MPP4: variants seen among roughly 807,000 people sequenced by gnomAD.
MPP4 encodes the protein MAGUK p55 scaffold protein 4.
In MPP4, 91 loss-of-function variants were observed where a neutral mutation model predicts 98.3. The ratio of observed to expected loss-of-function variants is 0.93; its 90% CI spans 0.78 to 1.10. MPP4 has a LOEUF of 1.10. MPP4 is among the 50% of genes least tolerant of loss of function. The pLI is 0.00. For synonymous variants in MPP4, 261 were observed against 271.8 expected (o/e 0.96, Z 0.39); for missense variants, 744 against 792.9 (o/e 0.94, Z 0.74).
Position 201,681,039 on chromosome 2 carries a change from T to C in MPP4, c.733-5A>G, listed in dbSNP as rs749529328. The C allele has an allele frequency of 6.2e-6, 10 of 1,606,490 alleles. No individual in the cohort carries two copies. In the Admixed American group the frequency reaches 1.2e-4, roughly 19 times the overall value. The stretch of plus-strand genomic sequence containing the variant: ...AGTCATGGCACGGACGTACACCTGA[T>C]GGCAGGTGCATAATGACGCTATCAG... On this transcript the variant is annotated splice_region_variant and splice_polypyrimidine_tract_variant and intron_variant, in intron 9 of 21. Transcript: ENST00000409474.
At chr2:201,654,699 A>C (rs1308121651) in intron 18 of MPP4, 138 bp downstream of exon 18, 2 of 490,134 alleles carry the variant, frequency 4.1e-6, no homozygotes, top group Admixed American at 8.5e-5. Context: ...TATTAAAATA[A>C]ATATGGTTAG....
At chr2:201,687,261 G>A (rs951795277) in intron 5 of MPP4, 30 bp downstream of exon 5, 9 of 1,533,162 alleles carry the variant, frequency 5.9e-6, no homozygotes, top group South Asian at 1.2e-5. Context: ...GCCAGATGGG[G>A]ACATCTTTTC....
rs1476420599 is a variant in MPP4 at position 201,660,462 on chromosome 2, CA to C, written c.1073-117del. The C allele has an allele frequency of 5.5e-6, 6 of 1,097,420 alleles. No homozygotes were observed. In the East Asian group the frequency reaches 1.2e-4, roughly 22 times the overall value. 68.0% of individuals were successfully genotyped at this position (1,097,420 alleles called of 1,614,324 possible). On this transcript the variant is annotated intron_variant, in intron 14 of 21. Coordinates refer to ENST00000409474, the MANE Select transcript of MPP4 (RefSeq NM_033066.3). The stretch of plus-strand genomic sequence containing the variant: ...AGCAAGACGTGCACGTCACCACTAG[CA>C]AAAGGTAACTCGGGTAAGGCCTGGC...
At chr2:201,682,977 AG>A in intron 7 of MPP4, 61 bp from the exon 8 acceptor site, 1 of 1,282,620 alleles carries the variant, frequency 7.8e-7, no homozygotes, top group Non-Finnish European at 1.1e-6. Flanking sequence ...AAATAGCAGT[AG>A]CTACCTCGAT....
At chr2:201,677,590 A>T (rs554959207) in intron 10 of MPP4, among the ~76,000 whole-genome samples, 1 of 152,290 alleles carries the variant, frequency 6.6e-6, no homozygotes, top group Non-Finnish European at 1.5e-5. Context: ...TAAAGAGTTT[A>T]AAAAATATTT....
At chr2:201,655,721 A>G (rs1687829318) in intron 17 of MPP4, among the ~76,000 whole-genome samples, 1 of 152,220 alleles carries the variant, frequency 6.6e-6, no homozygotes, top group African/African-American at 2.4e-5. Context: ...CATGATCTTT[A>G]TAAAGCACCA....
intron 16 of MPP4, among the ~76,000 whole-genome samples, chr2:201,656,765 G>A (rs577696171): frequency 6.6e-6 from 1 of 152,304 alleles, no homozygotes; most frequent in South Asian, 2.1e-4. Context: ...GAGTATCTCT[G>A]AAAGGTTGGC....
At chr2:201,655,766 A>G (rs992544825) in intron 17 of MPP4, among the ~76,000 whole-genome samples, 3 of 152,226 alleles carry the variant, frequency 2.0e-5, no homozygotes, top group Admixed American at 6.5e-5. Context: ...ATACTTTTCT[A>G]AAGGAAGTAG....
rs887301524 is a variant in MPP4, at chr2:201,671,804, A to T, written c.995-2054T>A. ...TAGACTCCCACACAATAATAGGGGA[A>T]GCCTTTAACAACCCACTGTCAATAT... On this transcript the variant is annotated intron_variant, in intron 11 of 21. Transcript: ENST00000409474. Among the ~76,000 whole-genome samples the T allele has an allele frequency of 3.9e-5, 6 of 152,198 alleles. No individual in the cohort carries two copies. The South Asian group carries it at 6.2e-4, about 16-fold the overall frequency.
At chr2:201,675,064 C>T (rs1266415590) in intron 11 of MPP4, 143 bp downstream of exon 11, 4 of 959,070 alleles carry the variant, frequency 4.2e-6, no homozygotes, top group Non-Finnish European at 6.5e-6. Context: ...TAATCTAGGG[C>T]CCTTCAAGGA....
Position 201,669,088 on chromosome 2 carries a change from TTGTG to T in MPP4, c.1012+641_1012+644del, listed in dbSNP as rs770178008. ...TTCTGGAAGCAGAAAGCATCTTGCT[TTGTG>T]TGTGTGTGTGTGTGTGTGTGTGTGT... On this transcript the variant is annotated intron_variant, in intron 12 of 21. Transcript: ENST00000409474. Among the ~76,000 whole-genome samples, 213 of 141,674 alleles carry T rather than the reference TTGTG, an allele frequency of 1.5e-3. 5 individuals are homozygous for T. In the Middle Eastern group the frequency reaches 0.028, roughly 19 times the overall value. The allele number at this position is 141,674 out of a possible 152,430, so 92.9% of individuals were successfully genotyped here.
chr2:201,682,937 AACAAAGAAAGAT>A, intron 7 of MPP4, 21 bp from the exon 8 acceptor site: 1 of 1,598,586 alleles, frequency 6.3e-7, no homozygotes, highest in Admixed American at 1.7e-5. Context: ...AGTAACAAAA[AACAAAGAAAGAT>A]ACAAAGAAGT....
chr2:201,681,480 C>G lies in MPP4; in HGVS notation c.732+16G>C. On this transcript the variant is annotated intron_variant, in intron 9 of 21. Transcript: ENST00000409474. The stretch of plus-strand genomic sequence containing the variant: ...GATTTACTGTGTGTGAGATTGAAGG[C>G]TCAGTAAATTCTTACCATCTGCTGG... The G allele has an allele frequency of 1.2e-6, 2 of 1,601,622 alleles. No individual in the cohort carries two copies. Among genetic ancestry groups the G allele is most frequent in the Non-Finnish European group, 1.7e-6 (2 of 1,168,838 alleles).
intron 5 of MPP4, among the ~76,000 whole-genome samples, chr2:201,686,840 AG>A (rs1478582570): frequency 6.6e-6 from 1 of 152,240 alleles, no homozygotes; most frequent in Non-Finnish European, 1.5e-5. Context: ...ACTAAGAGAT[AG>A]GTTTCTGTTC....
At chr2:201,657,701 C>T (rs1304001778) in intron 16 of MPP4, among the ~76,000 whole-genome samples, 5 of 150,322 alleles carry the variant, frequency 3.3e-5, no homozygotes, top group African/African-American at 1.2e-4. Context: ...GTGTCAGAGC[C>T]CAAGCTAGAT....
chr2:201,681,712 C>A, intron 8 of MPP4, 145 bp from the exon 9 acceptor site: 1 of 651,962 alleles, frequency 1.5e-6, no homozygotes, highest in Admixed American at 2.4e-5. Flanking sequence ...CAGCTGTCAC[C>A]ATCCAGAAAT....
intron 15 of MPP4, among the ~76,000 whole-genome samples, chr2:201,659,326 C>T (rs547708705): frequency 1.9e-4 from 29 of 152,204 alleles, no homozygotes; most frequent in African/African-American, 6.5e-4. Flanking sequence ...TCTGTGGCTG[C>T]CAAATGTTTC....
intron 8 of MPP4, among the ~76,000 whole-genome samples, chr2:201,682,420 T>C (rs1021400412): frequency 6.6e-6 from 1 of 152,160 alleles, no homozygotes; most frequent in African/African-American, 2.4e-5. Flanking sequence ...TCCAGGAAGA[T>C]GTTGAACATT....
chr2:201,654,045 C>T lies in MPP4; in HGVS notation c.1381+792G>A, dbSNP rs531339957. ...AGACTGGAGTGCAATGGTGCAATCTCGGCTCACTGCAACCTCCGCCTCCCA... is the reference window on the plus strand; with the variant it reads ...AGACTGGAGTGCAATGGTGCAATCTTGGCTCACTGCAACCTCCGCCTCCCA... On this transcript the variant is annotated intron_variant, in intron 18 of 21. Coordinates refer to ENST00000409474, the MANE Select transcript of MPP4 (RefSeq NM_033066.3). Among the ~76,000 whole-genome samples, 14 of 151,940 alleles carry T rather than the reference C, an allele frequency of 9.2e-5. No individual in the cohort carries two copies. The South Asian group carries it at 1.2e-3, about 14-fold the overall frequency.
Sources: allele counts gnomAD v4.1 joint callset (sites outside exome capture counted in the v4.1 genomes callset), GRCh38; gene constraint gnomAD v4.1.1; transcripts MANE v1.5; gene names NCBI Gene and HGNC (gene_info 2026-07-23, HGNC 2026-07-21).